TENM4: variants seen among roughly 807,000 people sequenced by gnomAD.
TENM4 encodes teneurin transmembrane protein 4.
TENM4 carries 82 observed loss-of-function variants against 243.3 expected under a neutral mutation model. The observed-to-expected ratio is 0.34, with a 90% CI of 0.28 to 0.40. TENM4 has a LOEUF of 0.40. Among genes scored for constraint, TENM4 ranks in the 10% least tolerant of loss-of-function variants. The pLI, the probability that TENM4 is intolerant of heterozygous loss-of-function variation, is 1.00. For missense variants in TENM4, 3,138 were observed against 3,673.3 expected (o/e 0.85, Z 3.77); for synonymous variants, 1,412 against 1,456.3 (o/e 0.97, Z 0.69).
intron 9 of TENM4, among the ~76,000 whole-genome samples, chr11:78,878,820 G>A (rs1859336936): frequency 6.6e-6 from 1 of 152,154 alleles, no homozygotes; most frequent in African/African-American, 2.4e-5. Context: ...ATCCAGATAT[G>A]AAATAAGAAA....
rs1210459235 is a variant in TENM4, at chr11:78,658,740, T to C, written c.7628A>G (p.Tyr2543Cys). 9 of 1,614,002 alleles carry C rather than the reference T, an allele frequency of 5.6e-6. No homozygotes were observed. The highest frequency in any genetic ancestry group is 3.3e-5 in the South Asian group (3 of 91,082). Residue 2543 changes from tyrosine (Y) to cysteine (C), a missense_variant, in exon 34 of 34, where the codon TAT becomes TGT. Physicochemically the swap from Tyr to Cys is radical, Grantham distance 194. This residue lies in a region of TENM4 where 2,467 missense variants were observed against 3,059.1 expected (regional missense o/e 0.81). Coordinates refer to ENST00000278550, the MANE Select transcript of TENM4 (RefSeq NM_001098816.3). The part of the protein sequence containing the change: ...FVTLERFDQL[Y>C]GSTITSCQQA... ...CTGGCAGCTGGTGATTGTGGAGCCA[T>C]AGAGCTGGTCAAACCGTTCTAAGGT...
At chr11:78,662,431 C>T (rs1170941073) in intron 32 of TENM4, among the ~76,000 whole-genome samples, 1 of 152,072 alleles carries the variant, frequency 6.6e-6, no homozygotes, top group Non-Finnish European at 1.5e-5. Flanking sequence ...CCTTGTCATC[C>T]ACCTGCCTCA....
At chr11:78,919,396 G>C (rs1233693859) in intron 6 of TENM4, among the ~76,000 whole-genome samples, 1 of 151,856 alleles carries the variant, frequency 6.6e-6, no homozygotes, top group Non-Finnish European at 1.5e-5. Context: ...CTTCTTCTCT[G>C]TCCTGCCCCC....
chr11:79,398,445 G>A (rs1858390631), intron 1 of TENM4, among the ~76,000 whole-genome samples: 1 of 152,050 alleles, frequency 6.6e-6, no homozygotes, highest in South Asian at 2.1e-4. Flanking sequence ...CATGACCCTG[G>A]GCAGACCATC....
chr11:79,261,505 A>C (rs1017008618), intron 2 of TENM4, among the ~76,000 whole-genome samples: 4 of 152,134 alleles, frequency 2.6e-5, no homozygotes, highest in Non-Finnish European at 5.9e-5. Context: ...AATGTCCTAA[A>C]ATAGATTGGC....
At chr11:78,750,200 A>G (rs149075352) in intron 19 of TENM4, among the ~76,000 whole-genome samples, 126 of 152,352 alleles carry the variant, frequency 8.3e-4, no homozygotes, top group African/African-American at 2.8e-3. Context: ...TCATGCATAC[A>G]CATACACATG....
At chr11:79,006,451 C>A (rs1453972487) in intron 6 of TENM4, among the ~76,000 whole-genome samples, 1 of 152,184 alleles carries the variant, frequency 6.6e-6, no homozygotes, top group Non-Finnish European at 1.5e-5. Flanking sequence ...ACAGGGCAGG[C>A]TCATTTACTG....
intron 19 of TENM4, 72 bp downstream of exon 19, chr11:78,756,733 C>A: frequency 2.1e-6 from 3 of 1,442,300 alleles, no homozygotes; most frequent in Non-Finnish European, 1.9e-6. Flanking sequence ...CCCCATTCAT[C>A]CAAAAGAGGC....
intron 18 of TENM4, among the ~76,000 whole-genome samples, chr11:78,766,075 G>C (rs1565369984): frequency 6.6e-6 from 1 of 152,092 alleles, no homozygotes; most frequent in Non-Finnish European, 1.5e-5. Context: ...TGCAGGTGGA[G>C]AGAAGCAGGA....
chr11:78,684,604 G>A (rs775714367), intron 29 of TENM4, among the ~76,000 whole-genome samples: 115 of 152,068 alleles, frequency 7.6e-4, no homozygotes, highest in Non-Finnish European at 1.4e-3. Flanking sequence ...CTGGAATAGG[G>A]CCCCTTGTCT....
intron 15 of TENM4, among the ~76,000 whole-genome samples, chr11:78,802,791 C>G (rs1290885727): frequency 6.6e-6 from 1 of 152,226 alleles, no homozygotes. Context: ...TTCACTATTA[C>G]AATACTTTTA....
intron 12 of TENM4, among the ~76,000 whole-genome samples, chr11:78,827,951 CCCCT>C (rs1857895105): frequency 6.6e-6 from 1 of 152,180 alleles, no homozygotes; most frequent in African/African-American, 2.4e-5. Flanking sequence ...TGGCTGTTTT[CCCCT>C]AGTAGACTGC....
At chr11:79,350,501 C>G (rs970116590) in intron 1 of TENM4, among the ~76,000 whole-genome samples, 2 of 151,242 alleles carry the variant, frequency 1.3e-5, no homozygotes, top group Non-Finnish European at 1.5e-5. Flanking sequence ...ACAATCACAG[C>G]TCACTGCAGC....
chr11:79,037,744 T>C (rs995531634), intron 6 of TENM4, among the ~76,000 whole-genome samples: 3 of 152,174 alleles, frequency 2.0e-5, no homozygotes, highest in African/African-American at 7.2e-5. Flanking sequence ...TGGACACTTA[T>C]TTGCACAGTT....
intron 12 of TENM4, among the ~76,000 whole-genome samples, chr11:78,835,905 G>C (rs532601640): frequency 6.6e-6 from 1 of 152,348 alleles, no homozygotes; most frequent in South Asian, 2.1e-4. Context: ...CACAACAGCA[G>C]CCACAGCCTG....
At chr11:79,271,346 G>C (rs1476687944) in intron 2 of TENM4, among the ~76,000 whole-genome samples, 2 of 152,144 alleles carry the variant, frequency 1.3e-5, no homozygotes, top group African/African-American at 4.8e-5. Context: ...CTTTCTAAAG[G>C]GCTTTAGAGA....
intron 1 of TENM4, among the ~76,000 whole-genome samples, chr11:79,364,776 C>T (rs185190153): frequency 3.3e-5 from 5 of 152,318 alleles, no homozygotes; most frequent in African/African-American, 9.6e-5. Context: ...CCCAGTCTAA[C>T]ACTCATGCCT....
chr11:78,699,302 G>A (rs926446281), intron 28 of TENM4, among the ~76,000 whole-genome samples: 6 of 152,178 alleles, frequency 3.9e-5, no homozygotes, highest in Non-Finnish European at 8.8e-5. Context: ...CACAAAGAAT[G>A]TAGGTGACCC....
chr11:79,049,628 G>A (rs1859747243), intron 6 of TENM4, among the ~76,000 whole-genome samples: 1 of 152,236 alleles, frequency 6.6e-6, no homozygotes, highest in Non-Finnish European at 1.5e-5. Flanking sequence ...AATGATAGGA[G>A]GGGCTATCTG....
Sources: gnomAD v4.1 joint callset for allele counts (sites outside exome capture counted in the v4.1 genomes callset) on GRCh38, gnomAD v4.1.1 for gene constraint, gnomAD v4.1.1 regional missense constraint, MANE v1.5 for transcripts, NCBI Gene and HGNC (gene_info 2026-07-23, HGNC 2026-07-21) for gene names.